The following SLC4A4 variants were observed in gnomAD, a reference collection of about 807,000 sequenced individuals.
SLC4A4 encodes the protein solute carrier family 4 member 4.
In SLC4A4, 27 loss-of-function variants were observed where a neutral mutation model predicts 111.5. The observed-to-expected ratio is 0.24, with a 90% CI of 0.18 to 0.33. The LOEUF is 0.33. Among genes scored for constraint, SLC4A4 ranks in the 10% least tolerant of loss-of-function variants. SLC4A4 has a pLI of 1.00. For missense variants in SLC4A4, 909 were observed against 1,315.5 expected (o/e 0.69, Z 4.78); for synonymous variants, 443 against 463.4 (o/e 0.96, Z 0.57).
intron 18 of SLC4A4, among the ~76,000 whole-genome samples, chr4:71,543,110 T>A (rs1014200226): frequency 6.6e-6 from 1 of 152,048 alleles, no homozygotes; most frequent in Non-Finnish European, 1.5e-5. Context: ...GAGAGGGAGT[T>A]CCCTAATGTG....
chr4:71,334,459 G>A (rs1578859933), intron 3 of SLC4A4, among the ~76,000 whole-genome samples: 1 of 152,090 alleles, frequency 6.6e-6, no homozygotes, highest in Non-Finnish European at 1.5e-5. Flanking sequence ...TCCCAGAGCT[G>A]CACTGCTTGG....
At chr4:71,341,359 A>C (rs536533083) in intron 4 of SLC4A4, among the ~76,000 whole-genome samples, 9 of 152,306 alleles carry the variant, frequency 5.9e-5, no homozygotes, top group African/African-American at 1.9e-4. Context: ...AGATAGATGA[A>C]AGTCTTCTTC....
At chr4:71,450,163 A>G (rs745715812) in intron 9 of SLC4A4, among the ~76,000 whole-genome samples, 6 of 152,198 alleles carry the variant, frequency 3.9e-5, no homozygotes, top group Admixed American at 1.3e-4. Context: ...AAAAAAAACC[A>G]CATAAAAACA....
At chr4:71,564,286 T>C (rs960075848) in intron 24 of SLC4A4, among the ~76,000 whole-genome samples, 7 of 151,766 alleles carry the variant, frequency 4.6e-5, no homozygotes, top group South Asian at 2.1e-4. Context: ...AAAAGAGAAA[T>C]TGCATCATTG....
At chr4:71,300,712 G>A in intron 3 of SLC4A4, 1 of 379,858 alleles carries the variant, frequency 2.6e-6, no homozygotes, top group Non-Finnish European at 5.3e-6. Flanking sequence ...GGGGCTGGCA[G>A]CAGCTTCTGG....
chr4:71,569,991 A>G lies in SLC4A4; in HGVS notation c.*2240A>G, dbSNP rs1737816914. On this transcript the variant is annotated 3_prime_UTR_variant, in exon 26 of 26. Transcript: ENST00000264485. The stretch of plus-strand genomic sequence containing the variant: ...ATGAGTCTATATTATCTAGCTTTCT[A>G]TTACCCTAATATAAACTGGTATAAG... 6.6e-6 allele frequency: 1 copy of G among 151,744 alleles called. No homozygotes were observed. The allele number at this position is 151,744 out of a possible 1,614,324, so 9.4% of individuals were successfully genotyped here. A position where few individuals can be genotyped will look rare whatever the true frequency, so the allele number is the denominator to read the frequency against.
chr4:71,324,102 G>T (rs937892215), intron 3 of SLC4A4, among the ~76,000 whole-genome samples: 1 of 152,028 alleles, frequency 6.6e-6, no homozygotes, highest in African/African-American at 2.4e-5. Flanking sequence ...ATTTATTAGG[G>T]GGAATGCAGT....
intron 2 of SLC4A4, among the ~76,000 whole-genome samples, chr4:71,252,206 G>A (rs989938800): frequency 6.6e-6 from 1 of 152,150 alleles, no homozygotes; most frequent in African/African-American, 2.4e-5. Context: ...TTCTGTGGGG[G>A]CAGTGAGAAA....
chr4:71,089,977 A>G (rs2148940005), intron 1 of SLC4A4, among the ~76,000 whole-genome samples: 1 of 146,968 alleles, frequency 6.8e-6, no homozygotes, highest in African/African-American at 2.5e-5. Context: ...TTGTTTGGCT[A>G]TGCCCTGCCC....
chr4:71,330,465 C>A (rs909131313), intron 3 of SLC4A4, among the ~76,000 whole-genome samples: 2 of 152,052 alleles, frequency 1.3e-5, no homozygotes, highest in South Asian at 2.1e-4. Context: ...ATAAACCTGA[C>A]AAAAACAAGC....
At chr4:71,564,260 G>C (rs1001228375) in intron 24 of SLC4A4, among the ~76,000 whole-genome samples, 1 of 151,262 alleles carries the variant, frequency 6.6e-6, no homozygotes, top group Non-Finnish European at 1.5e-5. Flanking sequence ...GTTTTAACTA[G>C]TGATCAAATC....
chr4:71,115,793 ACTCT>A (rs1344518437), intron 2 of SLC4A4, among the ~76,000 whole-genome samples: 1 of 152,046 alleles, frequency 6.6e-6, no homozygotes, highest in African/African-American at 2.4e-5. Flanking sequence ...TGGAAATAGA[ACTCT>A]CTCTAAAATA....
chr4:71,206,916 T>A (rs1717804971), intron 1 of SLC4A4, among the ~76,000 whole-genome samples: 1 of 152,080 alleles, frequency 6.6e-6, no homozygotes, highest in South Asian at 2.1e-4. Flanking sequence ...ATGCAGTGGT[T>A]AAGTATTCAG....
At chr4:71,348,395 T>TA (rs1729520281) in intron 4 of SLC4A4, among the ~76,000 whole-genome samples, 1 of 151,742 alleles carries the variant, frequency 6.6e-6, no homozygotes, top group African/African-American at 2.4e-5. Flanking sequence ...TCACAGCTAC[T>TA]TTTGTAGAAA....
intron 12 of SLC4A4, among the ~76,000 whole-genome samples, chr4:71,464,503 T>G (rs1487391187): frequency 6.6e-6 from 1 of 152,166 alleles, no homozygotes; most frequent in East Asian, 1.9e-4. Flanking sequence ...ATGGTACCCT[T>G]CAGCCATGTG....
At chr4:71,365,992 A>G (rs1436466394) in intron 6 of SLC4A4, among the ~76,000 whole-genome samples, 2 of 152,156 alleles carry the variant, frequency 1.3e-5, no homozygotes, top group Admixed American at 1.3e-4. Flanking sequence ...CTCATATGTA[A>G]TAATGTGATG....
At chr4:71,270,827 A>G (rs1722652394) in intron 3 of SLC4A4, among the ~76,000 whole-genome samples, 1 of 152,212 alleles carries the variant, frequency 6.6e-6, no homozygotes, top group Non-Finnish European at 1.5e-5. Flanking sequence ...GGTGGAGCTC[A>G]TAGGCTCATT....
At chr4:71,117,526 C>A (rs965964073) in intron 2 of SLC4A4, among the ~76,000 whole-genome samples, 6 of 152,054 alleles carry the variant, frequency 3.9e-5, no homozygotes, top group Admixed American at 3.9e-4. Context: ...TTTAAAATGA[C>A]CTAGTGAAAC....
In SLC4A4 at chr4:71,379,519, C is replaced by T. The variant is rs540852018; in HGVS notation, c.731-18058C>T. On this transcript the variant is annotated intron_variant, in intron 6 of 25. Transcript: ENST00000264485. ...TCTCATCATCTCCTCCTCCTCCCAT[C>T]GCACTGCACAAATAACTCTCCCTTA... Among the ~76,000 whole-genome samples the T allele has an allele frequency of 1.7e-4, 26 of 152,218 alleles. 1 individual carries two copies. Among genetic ancestry groups the T allele is most frequent in the East Asian group, 1.2e-3 (6 of 5,182 alleles).
Sources: gnomAD v4.1 joint callset for allele counts (sites outside exome capture counted in the v4.1 genomes callset) on GRCh38, gnomAD v4.1.1 for gene constraint, MANE v1.5 for transcripts, NCBI Gene and HGNC (gene_info 2026-07-23, HGNC 2026-07-21) for gene names.